Variants in CLASP1 observed in about 807,000 individuals in gnomAD.
CLASP1 encodes CLIP-associating protein 1.
In CLASP1, 38 loss-of-function variants were observed where a neutral mutation model predicts 192.3. That is an observed-to-expected ratio of 0.20 (90% CI 0.15 to 0.26). The LOEUF is 0.26. CLASP1 is among the 10% of genes least tolerant of loss of function. CLASP1 has a pLI of 1.00. For missense variants in CLASP1, 1,433 were observed against 1,932.5 expected, an observed-to-expected ratio of 0.74 and a Z score of 4.85; for synonymous variants, 691 against 712.8, an observed-to-expected ratio of 0.97 and a Z score of 0.49.
chr2:121,483,522 G>A (rs112085328), intron 8 of CLASP1, among the ~76,000 whole-genome samples: 30,333 of 151,342 alleles, frequency 0.2, 5,677 homozygotes, highest in African/African-American at 0.49. Context: ...GTATATATGT[G>A]TGTGTATATA....
At chr2:121,625,426 C>CTTTTTTT (rs1559804182) in intron 1 of CLASP1, among the ~76,000 whole-genome samples, 1 of 128,280 alleles carries the variant, frequency 7.8e-6, no homozygotes, top group African/African-American at 3.3e-5. Context: ...TTCTTTCTTT[C>CTTTTTTT]ATTTTTTTTT....
intron 1 of CLASP1, among the ~76,000 whole-genome samples, chr2:121,624,401 G>T (rs949188054): frequency 1.3e-5 from 2 of 151,976 alleles, no homozygotes; most frequent in African/African-American, 2.4e-5. Flanking sequence ...AGTGGCAGGG[G>T]TTTTTTTCTT....
At chr2:121,447,117 G>A (rs2084494066) in intron 19 of CLASP1, among the ~76,000 whole-genome samples, 1 of 152,188 alleles carries the variant, frequency 6.6e-6, no homozygotes, top group Admixed American at 6.5e-5. Context: ...AGTGTACTGT[G>A]TACTTACTCA....
intron 37 of CLASP1, among the ~76,000 whole-genome samples, chr2:121,362,435 G>A (rs1448858310): frequency 2.0e-5 from 3 of 152,208 alleles, no homozygotes; most frequent in Admixed American, 6.5e-5. Context: ...ACAGAGACAT[G>A]TCCTGCCACT....
chr2:121,430,784 A>G (rs1482172130), intron 19 of CLASP1, among the ~76,000 whole-genome samples: 1 of 152,180 alleles, frequency 6.6e-6, no homozygotes, highest in Non-Finnish European at 1.5e-5. Flanking sequence ...ATAAAGCTAA[A>G]AAGAGAGATA....
At chr2:121,530,761 C>T (rs1278297718) in intron 2 of CLASP1, 2 of 542,500 alleles carry the variant, frequency 3.7e-6, no homozygotes, top group Admixed American at 6.1e-5. Context: ...TCGTCGAAAG[C>T]TGTGGAGGCT....
Position 121,493,083 on chromosome 2 carries a change from T to C in CLASP1, c.712+10084A>G, listed in dbSNP as rs181566532. Among the ~76,000 whole-genome samples the C allele has an allele frequency of 2.0e-3, 302 of 152,292 alleles. 1 individual carries two copies. The highest frequency in any genetic ancestry group is 7.0e-3 in the African/African-American group (289 of 41,558). On this transcript the variant is annotated intron_variant, in intron 8 of 39. Coordinates refer to ENST00000263710, the Ensembl canonical transcript of CLASP1. Reference sequence around the variant, plus strand: ...TGTCCATACTACTCAAAGCAATCTATAGATCCAACATAATCCCTATCAAAT... The same window carrying C: ...TGTCCATACTACTCAAAGCAATCTACAGATCCAACATAATCCCTATCAAAT...
At position 121,530,204 on chromosome 2, in the gene CLASP1, G is replaced by C. The variant is rs765455819; in HGVS notation, c.274+43C>G. The C allele has an allele frequency of 1.3e-5, 20 of 1,510,426 alleles. No homozygotes were observed. In the African/African-American group the frequency reaches 2.4e-4, roughly 18 times the overall value. 93.6% of individuals were successfully genotyped at this position (1,510,426 alleles called of 1,614,324 possible). ...CCGGGGAGGCCGAGGGAAGGCTGGGGGTCTGAAGGGGCCGGGTCCGCTCCA... is the reference window on the plus strand; with the variant it reads ...CCGGGGAGGCCGAGGGAAGGCTGGGCGTCTGAAGGGGCCGGGTCCGCTCCA... On this transcript the variant is annotated intron_variant, in intron 3 of 39. Transcript: ENST00000263710.
intron 1 of CLASP1, among the ~76,000 whole-genome samples, chr2:121,609,851 G>A (rs1375892878): frequency 6.6e-6 from 1 of 152,190 alleles, no homozygotes; most frequent in Non-Finnish European, 1.5e-5. Flanking sequence ...TGAGGCAGGA[G>A]AATCGCTTGA....
At chr2:121,630,379 GAAACAC>G (rs1444115669) in intron 1 of CLASP1, among the ~76,000 whole-genome samples, 16 of 105,268 alleles carry the variant, frequency 1.5e-4, no homozygotes, top group African/African-American at 6.4e-4. Flanking sequence ...ATATTGGAAA[GAAACAC>G]ACACACACAC....
chr2:121,369,320 C>A (rs145800454), intron 34 of CLASP1, among the ~76,000 whole-genome samples: 1 of 151,920 alleles, frequency 6.6e-6, no homozygotes, highest in African/African-American at 2.4e-5. Flanking sequence ...ATAATATATG[C>A]GTAGACAGAA....
chr2:121,401,927 TG>T (rs1267372230), intron 26 of CLASP1, 57 bp from the exon 28 acceptor site: 1 of 641,408 alleles, frequency 1.6e-6, no homozygotes, highest in Non-Finnish European at 2.9e-6. Flanking sequence ...CCATGTTAGT[TG>T]GCAGTGAATT....
intron 1 of CLASP1, among the ~76,000 whole-genome samples, chr2:121,648,568 G>A (rs2073611981): frequency 6.6e-6 from 1 of 152,042 alleles, no homozygotes; most frequent in Admixed American, 6.6e-5. Context: ...TTAAACTCTG[G>A]AAAGCCCCAT....
chr2:121,466,802 T>C (rs994269170), intron 9 of CLASP1, among the ~76,000 whole-genome samples: 1 of 152,234 alleles, frequency 6.6e-6, no homozygotes, highest in African/African-American at 2.4e-5. Context: ...ATGTGTTTTA[T>C]CTTATTTATT....
chr2:121,420,417 A>G (rs1034157218), intron 22 of CLASP1, among the ~76,000 whole-genome samples: 1 of 152,224 alleles, frequency 6.6e-6, no homozygotes, highest in African/African-American at 2.4e-5. Context: ...CCTAGAATGT[A>G]CACAGCAATA....
chr2:121,542,534 C>T (rs1455427108), intron 2 of CLASP1, among the ~76,000 whole-genome samples: 1 of 152,168 alleles, frequency 6.6e-6, no homozygotes, highest in African/African-American at 2.4e-5. Flanking sequence ...TTTGCACATA[C>T]ACATGTACGA....
At chr2:121,478,992 C>CCA (rs2092314771) in intron 8 of CLASP1, among the ~76,000 whole-genome samples, 2 of 63,356 alleles carry the variant, frequency 3.2e-5, no homozygotes, top group African/African-American at 8.4e-5. Flanking sequence ...ACCACACACC[C>CCA]CACACACACA....
At chr2:121,451,285 G>A (rs998891550) in intron 15 of CLASP1, among the ~76,000 whole-genome samples, 1 of 152,180 alleles carries the variant, frequency 6.6e-6, no homozygotes, top group African/African-American at 2.4e-5. Flanking sequence ...TTTTAAAAAT[G>A]TGCACTTATA....
chr2:121,427,528 T>C, intron 20 of CLASP1, 98 bp from the exon 21 acceptor site: 2 of 1,249,088 alleles, frequency 1.6e-6, no homozygotes, highest in South Asian at 1.3e-5. Flanking sequence ...CAAAGGTCTT[T>C]GTTCACAAAT....
Sources: gnomAD v4.1 joint callset for allele counts (sites outside exome capture counted in the v4.1 genomes callset) on GRCh38, gnomAD v4.1.1 for gene constraint, MANE v1.5 for transcripts, NCBI Gene and HGNC (gene_info 2026-07-23, HGNC 2026-07-21) for gene names.